Variants in STARD13 observed in about 807,000 individuals in gnomAD.
STARD13 encodes the protein stAR-related lipid transfer protein 13.
STARD13 carries 62 observed loss-of-function variants against 106.4 expected under a neutral mutation model. The observed-to-expected ratio is 0.58, with a 90% CI of 0.48 to 0.72. The LOEUF is 0.72. STARD13 is among the 30% of genes least tolerant of loss of function. The pLI is 0.00. For synonymous variants in STARD13, 565 were observed against 553.0 expected, an observed-to-expected ratio of 1.02 and a Z score of -0.31; for missense variants, 1,387 against 1,424.0, an observed-to-expected ratio of 0.97 and a Z score of 0.42.
At chr13:33,546,731 C>T in the STARD13 span, among the ~76,000 whole-genome samples, 1 of 152,030 alleles carries the variant, frequency 6.6e-6, no homozygotes, top group African/African-American at 2.4e-5. Context: ...GCAACCTCCA[C>T]CTCCCGGGCT....
intron 3 of STARD13, among the ~76,000 whole-genome samples, chr13:33,145,860 G>T (rs778639280): frequency 3.9e-5 from 6 of 152,138 alleles, no homozygotes; most frequent in Non-Finnish European, 5.9e-5. Context: ...CCAAATGCTG[G>T]CACTGGGGGA....
chr13:33,179,061 A>G lies in STARD13; in HGVS notation c.170-11439T>C, dbSNP rs146218936. Among the ~76,000 whole-genome samples, 38 of 152,296 alleles carry G rather than the reference A, an allele frequency of 2.5e-4. No homozygotes were observed. In the East Asian group the frequency reaches 7.1e-3, roughly 29 times the overall value. On this transcript the variant is annotated intron_variant, in intron 1 of 13. Transcript: ENST00000336934. ...TACAATGAAGATACATTCTAATTTC[A>G]TTTTGTTCTTAACCAATGGCATATC...
downstream of STARD13, among the ~76,000 whole-genome samples, chr13:33,346,804 G>A (rs1364752123): frequency 1.3e-5 from 2 of 150,228 alleles, no homozygotes; most frequent in African/African-American, 2.5e-5. Flanking sequence ...TAATTTTTTT[G>A]TATTTTTTTT....
At chr13:33,638,734 C>CCGCA in the STARD13 span, among the ~76,000 whole-genome samples, 1 of 152,156 alleles carries the variant, frequency 6.6e-6, no homozygotes, top group African/African-American at 2.4e-5. Context: ...CATGTCTGAC[C>CCGCA]CGCACTTCGC....
intron 1 of STARD13, among the ~76,000 whole-genome samples, chr13:33,186,657 C>G (rs145242138): frequency 5.9e-5 from 9 of 152,012 alleles, no homozygotes; most frequent in South Asian, 4.2e-4. Flanking sequence ...TTATTTACAT[C>G]CTAAAGAGTA....
chr13:33,618,797 C>T, the STARD13 span, among the ~76,000 whole-genome samples: 1 of 151,788 alleles, frequency 6.6e-6, no homozygotes, highest in Non-Finnish European at 1.5e-5. Flanking sequence ...GAGATAGAGC[C>T]CAAGCAGTGC....
the STARD13 span, among the ~76,000 whole-genome samples, chr13:33,407,254 T>G: frequency 6.6e-6 from 1 of 152,220 alleles, no homozygotes; most frequent in Non-Finnish European, 1.5e-5. Context: ...CCTTCAAGTC[T>G]GCTGTAAAGG....
At chr13:33,595,854 AAAAC>A in the STARD13 span, among the ~76,000 whole-genome samples, 11 of 152,198 alleles carry the variant, frequency 7.2e-5, no homozygotes, top group Non-Finnish European at 1.2e-4. Flanking sequence ...CAGCTCTGTT[AAAAC>A]AAACAAACAA....
the STARD13 span, among the ~76,000 whole-genome samples, chr13:33,440,767 AT>A: frequency 0.08 from 4,812 of 60,064 alleles, 401 homozygotes; most frequent in African/African-American, 0.23. Context: ...GAAAACAGCG[AT>A]TTTTTTTTTT....
intron 2 of STARD13, among the ~76,000 whole-genome samples, chr13:33,166,163 G>T (rs1423130342): frequency 2.0e-5 from 3 of 152,116 alleles, no homozygotes; most frequent in Admixed American, 2.0e-4. Context: ...CACCTTGCCA[G>T]TCATGATAAA....
At chr13:33,674,150 G>A in the STARD13 span, among the ~76,000 whole-genome samples, 2 of 152,176 alleles carry the variant, frequency 1.3e-5, no homozygotes, top group Non-Finnish European at 2.9e-5. Context: ...GTGAGCCACC[G>A]CACCAGGCCA....
the STARD13 span, among the ~76,000 whole-genome samples, chr13:33,382,080 T>C: frequency 2.0e-5 from 3 of 152,214 alleles, no homozygotes; most frequent in African/African-American, 7.2e-5. Context: ...GAGACCAGGC[T>C]ACGCTGCCAT....
intron 1 of STARD13, among the ~76,000 whole-genome samples, chr13:33,241,846 A>T (rs531884577): frequency 7.9e-5 from 12 of 152,226 alleles, no homozygotes; most frequent in African/African-American, 2.6e-4. Context: ...TCAGTGCTCA[A>T]TGTTGCCCAG....
intron 1 of STARD13, among the ~76,000 whole-genome samples, chr13:33,213,110 C>A (rs1262775691): frequency 6.6e-6 from 1 of 152,146 alleles, no homozygotes; most frequent in Non-Finnish European, 1.5e-5. Context: ...AGGGCTCTGA[C>A]AATGAACTGT....
At chr13:33,607,054 A>G in the STARD13 span, among the ~76,000 whole-genome samples, 1 of 149,816 alleles carries the variant, frequency 6.7e-6, no homozygotes, top group Non-Finnish European at 1.5e-5. Flanking sequence ...CTAGCATTTC[A>G]CAGTTCCCAG....
chr13:33,105,464 GT>G lies in STARD13; in HGVS notation c.*128del. Reference sequence around the variant, plus strand: ...ATCTCCAACATTCCAACTTCTTAACGTTTCCATTTTTAGGCATTAACCGCGT... The same window carrying G: ...ATCTCCAACATTCCAACTTCTTAACGTTCCATTTTTAGGCATTAACCGCGT... On this transcript the variant is annotated 3_prime_UTR_variant, in exon 14 of 14. Transcript: ENST00000336934. 3.0e-6 allele frequency: 2 copies of G among 662,348 alleles called. No individual in the cohort carries two copies. The highest frequency in any genetic ancestry group is 5.3e-6 in the Non-Finnish European group (2 of 374,304). The allele number at this position is 662,348 out of a possible 1,614,324, so 41.0% of individuals were successfully genotyped here. A position where few individuals can be genotyped will look rare whatever the true frequency, so the allele number is the denominator to read the frequency against.
chr13:33,499,294 G>T, the STARD13 span, among the ~76,000 whole-genome samples: 6 of 152,176 alleles, frequency 3.9e-5, no homozygotes, highest in Non-Finnish European at 8.8e-5. Flanking sequence ...GTCAGCTTAA[G>T]CTGCCATGAC....
At chr13:33,118,379 A>T (rs1012884659) in intron 7 of STARD13, 116 bp from the exon 8 acceptor site, 1 of 804,114 alleles carries the variant, frequency 1.2e-6, no homozygotes, top group Non-Finnish European at 2.2e-6. Context: ...GTACATGCTG[A>T]ACTACTAGTA....
At chr13:33,662,271 A>AG in the STARD13 span, among the ~76,000 whole-genome samples, 1 of 152,086 alleles carries the variant, frequency 6.6e-6, no homozygotes, top group African/African-American at 2.4e-5. Flanking sequence ...CAAAAAAAAA[A>AG]AAAAAGTTAT....
Sources: gnomAD v4.1 joint callset for allele counts (sites outside exome capture counted in the v4.1 genomes callset) on GRCh38, gnomAD v4.1.1 for gene constraint, MANE v1.5 for transcripts, NCBI Gene and HGNC (gene_info 2026-07-23, HGNC 2026-07-21) for gene names.